The following CNTNAP2 variants were observed in gnomAD, a reference collection of about 807,000 sequenced individuals.
The protein encoded by CNTNAP2 is contactin associated protein 2.
CNTNAP2 carries 98 observed loss-of-function variants against 155.2 expected under a neutral mutation model. That is an observed-to-expected ratio of 0.63 (90% CI 0.54 to 0.75). The LOEUF (loss-of-function observed/expected upper bound fraction) is 0.75, where lower values mean the gene tolerates loss of function less well. CNTNAP2 is among the 30% of genes least tolerant of loss of function. The pLI, the probability that CNTNAP2 is intolerant of heterozygous loss-of-function variation, is 0.00. For synonymous variants in CNTNAP2, 651 were observed against 631.2 expected (o/e 1.03, Z -0.47); for missense variants, 1,727 against 1,688.1 (o/e 1.02, Z -0.40).
chr7:147,416,948 G>A (rs1797203244), intron 10 of CNTNAP2, among the ~76,000 whole-genome samples: 1 of 151,986 alleles, frequency 6.6e-6, no homozygotes, highest in Admixed American at 6.6e-5. Flanking sequence ...AATTAGCCTG[G>A]CATAGTGGTG....
chr7:147,012,721 G>A (rs1798650406), intron 3 of CNTNAP2, among the ~76,000 whole-genome samples: 1 of 152,126 alleles, frequency 6.6e-6, no homozygotes, highest in Admixed American at 6.5e-5. Flanking sequence ...AAGTTGTCAT[G>A]CCAAAGCTTT....
intron 1 of CNTNAP2, among the ~76,000 whole-genome samples, chr7:146,678,765 A>G (rs1800448526): frequency 1.3e-5 from 2 of 152,206 alleles, no homozygotes; most frequent in Non-Finnish European, 2.9e-5. Context: ...CTCCTTTTGT[A>G]TAGACAATTA....
intron 1 of CNTNAP2, among the ~76,000 whole-genome samples, chr7:146,377,702 A>C (rs1357662164): frequency 6.6e-6 from 1 of 152,330 alleles, no homozygotes; most frequent in East Asian, 1.9e-4. Context: ...TCAAATTAAA[A>C]GCCTGGAATA....
chr7:146,333,042 C>T (rs1801212094), intron 1 of CNTNAP2, among the ~76,000 whole-genome samples: 1 of 147,830 alleles, frequency 6.8e-6, no homozygotes, highest in African/African-American at 2.5e-5. Context: ...CTCCCAGGCT[C>T]AAGTGATTCT....
chr7:148,300,576 GAAA>G (rs71188963), intron 21 of CNTNAP2, among the ~76,000 whole-genome samples: 5 of 126,576 alleles, frequency 4.0e-5, no homozygotes, highest in Non-Finnish European at 5.0e-5. Context: ...GGCTAAGCAG[GAAA>G]AAAAAAAAAA....
At chr7:147,522,791 A>C (rs7783705) in intron 11 of CNTNAP2, among the ~76,000 whole-genome samples, 12,376 of 146,002 alleles carry the variant, frequency 0.085, 872 homozygotes, top group African/African-American at 0.22. Flanking sequence ...AAAAAACAAA[A>C]AAAAAAAAAC....
chr7:147,420,485 T>C (rs1797271902), intron 10 of CNTNAP2, among the ~76,000 whole-genome samples: 2 of 152,188 alleles, frequency 1.3e-5, no homozygotes, highest in South Asian at 2.1e-4. Flanking sequence ...AAATAATTAA[T>C]GTATTCATTG....
At chr7:146,498,807 G>T (rs1417144180) in intron 1 of CNTNAP2, among the ~76,000 whole-genome samples, 1 of 152,072 alleles carries the variant, frequency 6.6e-6, no homozygotes, top group African/African-American at 2.4e-5. Flanking sequence ...TCAATTTAAA[G>T]AGGGAAAAGT....
chr7:146,914,874 G>A (rs1796363488), intron 3 of CNTNAP2, among the ~76,000 whole-genome samples: 1 of 151,384 alleles, frequency 6.6e-6, no homozygotes, highest in Non-Finnish European at 1.5e-5. Context: ...TTGGGTTCTT[G>A]GTCATGAAGT....
intron 13 of CNTNAP2, among the ~76,000 whole-genome samples, chr7:147,770,466 C>G (rs772257921): frequency 5.9e-5 from 9 of 151,998 alleles, no homozygotes; most frequent in Non-Finnish European, 1.3e-4. Flanking sequence ...TTAAAATATG[C>G]GCTAATGGCG....
At chr7:147,330,044 C>A (rs59072030) in intron 9 of CNTNAP2, among the ~76,000 whole-genome samples, 29,521 of 151,990 alleles carry the variant, frequency 0.19, 3,128 homozygotes, top group East Asian at 0.36. Context: ...CAAAGAGTTT[C>A]TTTTGATCAC....
At chr7:147,082,947 C>T (rs1397304057) in intron 4 of CNTNAP2, 1 of 152,106 alleles carries the variant, frequency 6.6e-6, no homozygotes, top group East Asian at 1.9e-4. Context: ...CTGCAATTTC[C>T]AGAGGCAGGG....
intron 1 of CNTNAP2, among the ~76,000 whole-genome samples, chr7:146,342,386 C>A (rs769988452): frequency 6.6e-6 from 1 of 152,104 alleles, no homozygotes; most frequent in African/African-American, 2.4e-5. Context: ...ACCACATAAC[C>A]AATGCTCTTT....
chr7:147,513,603 G>A (rs1347605731), intron 11 of CNTNAP2, among the ~76,000 whole-genome samples: 3 of 152,216 alleles, frequency 2.0e-5, no homozygotes, highest in Admixed American at 1.3e-4. Context: ...AGAAATCAGT[G>A]AAGCAAGTGT....
At chr7:146,872,094 A>G (rs1225697579) in intron 3 of CNTNAP2, among the ~76,000 whole-genome samples, 1 of 152,066 alleles carries the variant, frequency 6.6e-6, no homozygotes, top group Admixed American at 6.6e-5. Flanking sequence ...GGTTTTATCA[A>G]TAGAAAGAAA....
At position 146,695,218 on chromosome 7, in the gene CNTNAP2, A is replaced by C. The variant is rs553840238; in HGVS notation, c.98-79053A>C. ...GTTTGCTATGATATTAACTACAAAAACTACGTTTTTGTAGATATCTATTAT... is the reference window on the plus strand; with the variant it reads ...GTTTGCTATGATATTAACTACAAAACCTACGTTTTTGTAGATATCTATTAT... On this transcript the variant is annotated intron_variant, in intron 1 of 23. Transcript: ENST00000361727. Among the ~76,000 whole-genome samples, 253 of 152,166 alleles carry C rather than the reference A, an allele frequency of 1.7e-3. 4 individuals carry two copies. Among genetic ancestry groups the C allele is most frequent in the African/African-American group, 5.8e-3 (242 of 41,528 alleles).
intron 1 of CNTNAP2, among the ~76,000 whole-genome samples, chr7:146,401,113 C>T (rs1259503424): frequency 6.6e-6 from 1 of 152,154 alleles, no homozygotes; most frequent in African/African-American, 2.4e-5. Context: ...TTTCATTGCA[C>T]ACCTAGGACT....
intron 18 of CNTNAP2, among the ~76,000 whole-genome samples, chr7:148,201,520 G>A (rs940262437): frequency 1.2e-4 from 18 of 152,132 alleles, no homozygotes; most frequent in East Asian, 1.2e-3. Flanking sequence ...GTAAAAAAAC[G>A]TGACTGAATT....
chr7:146,213,264 T>G (rs749607362), intron 1 of CNTNAP2, among the ~76,000 whole-genome samples: 2 of 152,206 alleles, frequency 1.3e-5, no homozygotes, highest in Non-Finnish European at 2.9e-5. Context: ...TTTATATTTT[T>G]AAATTATGCT....
Sources: allele counts gnomAD v4.1 joint callset (sites outside exome capture counted in the v4.1 genomes callset), GRCh38; gene constraint gnomAD v4.1.1; transcripts MANE v1.5; gene names NCBI Gene and HGNC (gene_info 2026-07-23, HGNC 2026-07-21).